Variants in STK3 observed in about 807,000 individuals in gnomAD.
STK3 encodes the protein serine/threonine kinase 3.
A neutral mutation model predicts 58.0 loss-of-function variants in STK3; 41 were observed. The observed-to-expected ratio is 0.71, with a 90% confidence interval of 0.55 to 0.92. The LOEUF is 0.92. STK3 is among the 40% of genes least tolerant of loss of function. STK3 has a pLI of 0.00. For synonymous variants in STK3, 170 were observed against 191.0 expected, an observed-to-expected ratio of 0.89 and a Z score of 0.91; for missense variants, 479 against 602.7, an observed-to-expected ratio of 0.79 and a Z score of 2.15.
At chr8:98,933,907 C>A (rs1840098306) in intron 1 of STK3, among the ~76,000 whole-genome samples, 1 of 152,210 alleles carries the variant, frequency 6.6e-6, no homozygotes, top group African/African-American at 2.4e-5. Context: ...ACCCACCAGG[C>A]AGAGAGGTCA....
intron 10 of STK3, among the ~76,000 whole-genome samples, chr8:98,463,770 G>A (rs541260762): frequency 7.9e-5 from 12 of 152,124 alleles, no homozygotes; most frequent in African/African-American, 1.9e-4. Flanking sequence ...AAAAATAGTC[G>A]TAATTACATG....
At chr8:98,496,083 C>A (rs1401516778) in intron 10 of STK3, among the ~76,000 whole-genome samples, 4 of 152,086 alleles carry the variant, frequency 2.6e-5, no homozygotes, top group Non-Finnish European at 4.4e-5. Context: ...ATCTGACCCC[C>A]AACTAGATTG....
chr8:98,740,694 CA>C (rs2131307539), intron 4 of STK3, among the ~76,000 whole-genome samples: 1 of 152,272 alleles, frequency 6.6e-6, no homozygotes, highest in African/African-American at 2.4e-5. Flanking sequence ...AACTAATGAG[CA>C]AAATAACCAG....
chr8:98,711,505 G>A (rs1393271577), intron 4 of STK3, among the ~76,000 whole-genome samples: 6 of 152,244 alleles, frequency 3.9e-5, no homozygotes, highest in South Asian at 2.1e-4. Context: ...CTCAGTAGCC[G>A]ATTCAATCAA....
chr8:98,718,203 C>A (rs1019862058), intron 4 of STK3, among the ~76,000 whole-genome samples: 1 of 151,916 alleles, frequency 6.6e-6, no homozygotes, highest in African/African-American at 2.4e-5. Flanking sequence ...GCTAAGATGG[C>A]AAATTTTGTT....
chr8:98,592,287 A>C (rs990350881), intron 7 of STK3, among the ~76,000 whole-genome samples: 2 of 152,110 alleles, frequency 1.3e-5, no homozygotes, highest in African/African-American at 2.4e-5. Context: ...AGCAGATCTT[A>C]CTGTGTTCTA....
intron 6 of STK3, among the ~76,000 whole-genome samples, chr8:98,614,907 C>T (rs1039646786): frequency 6.6e-6 from 1 of 152,200 alleles, no homozygotes; most frequent in Non-Finnish European, 1.5e-5. Context: ...ATTGCCCGGG[C>T]TTGCTTAGGT....
intron 2 of STK3, among the ~76,000 whole-genome samples, chr8:98,773,181 C>T (rs2131478443): frequency 6.6e-6 from 1 of 152,106 alleles, no homozygotes; most frequent in South Asian, 2.1e-4. Flanking sequence ...TGTCCTTTCT[C>T]TTTTTTCTAT....
intron 9 of STK3, among the ~76,000 whole-genome samples, chr8:98,527,676 A>G (rs1341136169): frequency 3.3e-5 from 5 of 152,060 alleles, no homozygotes; most frequent in African/African-American, 9.7e-5. Context: ...AAAAAAAATC[A>G]TAAGAACTTA....
chr8:98,849,824 G>A (rs780153365), intron 3 of STK3, among the ~76,000 whole-genome samples: 1 of 152,098 alleles, frequency 6.6e-6, no homozygotes, highest in Non-Finnish European at 1.5e-5. Flanking sequence ...CAGGTCCAAA[G>A]GAATAGGGTG....
chr8:98,934,374 C>A (rs1447244), intron 1 of STK3, among the ~76,000 whole-genome samples: 11,289 of 152,176 alleles, frequency 0.074, 637 homozygotes, highest in African/African-American at 0.16. Flanking sequence ...AGCCAGGTTC[C>A]TGAAACCTCT....
At chr8:98,789,574 T>G (rs1425563094) in intron 1 of STK3, among the ~76,000 whole-genome samples, 1 of 152,002 alleles carries the variant, frequency 6.6e-6, no homozygotes, top group East Asian at 1.9e-4. Flanking sequence ...AAGGGAGATA[T>G]TACAACTGAT....
intron 4 of STK3, 101 bp from the exon 5 acceptor site, chr8:98,707,412 G>T (rs1826042819): frequency 2.2e-6 from 2 of 921,528 alleles, no homozygotes; most frequent in East Asian, 2.8e-5. Flanking sequence ...GTGTGTGTGT[G>T]TGTTTTTTTT....
rs765569770 is a variant in STK3 at position 98,526,789 on chromosome 8, C to T, written c.1270G>A (p.Val424Ile). The T allele has an allele frequency of 5.7e-6, 9 of 1,585,218 alleles. No individual in the cohort carries two copies. The highest frequency in any genetic ancestry group is 1.7e-4 in the Middle Eastern group (1 of 5,950). ...MHEPFPMSKN[V>I]FPDNWKVPQD... ...GGAACTTTCCAGTTATCAGGAAAAA[C>T]GTTTTTGGACATAGGGAAGGGTTCA... The change falls in exon 10 of 11, where the codon GTT becomes ATT. Residue 424 changes from valine to isoleucine, a missense_variant. This residue lies in a region of STK3 where 309 missense variants were observed against 355.7 expected (regional missense o/e 0.87). Coordinates refer to ENST00000419617, the MANE Select transcript of STK3 (RefSeq NM_006281.4).
In STK3 at chr8:98,789,297, C is replaced by T. The variant is rs190520927; in HGVS notation, c.27-14478G>A. Among the ~76,000 whole-genome samples the T allele has an allele frequency of 7.4e-3, 1,123 of 152,210 alleles. 9 individuals carry two copies. Among genetic ancestry groups the T allele is most frequent in the Middle Eastern group, 0.017 (5 of 294 alleles). ...GAAAGTTTATAACCCTAAATGCCTA[C>T]ATCAAAAAGTCTGAAAGAGCACAGA... On this transcript the variant is annotated intron_variant, in intron 1 of 10. Transcript: ENST00000419617.
chr8:98,389,627 A>C (rs1331035241), upstream of STK3, among the ~76,000 whole-genome samples: 1 of 151,888 alleles, frequency 6.6e-6, no homozygotes, highest in Non-Finnish European at 1.5e-5. Flanking sequence ...CTATGACTGC[A>C]TGCAGACAAA....
At chr8:98,772,299 G>A (rs935127987) in intron 2 of STK3, among the ~76,000 whole-genome samples, 26 of 152,158 alleles carry the variant, frequency 1.7e-4, no homozygotes, top group African/African-American at 5.6e-4. Flanking sequence ...AATCCCTAAT[G>A]TTGGAGATGG....
chr8:98,934,710 G>A (rs1442570689), intron 1 of STK3, among the ~76,000 whole-genome samples: 5 of 152,184 alleles, frequency 3.3e-5, no homozygotes. Flanking sequence ...GAGGTCAGGA[G>A]TTCGAGACCA....
chr8:98,837,798 G>A (rs1263282444), intron 3 of STK3, among the ~76,000 whole-genome samples: 1 of 152,126 alleles, frequency 6.6e-6, no homozygotes, highest in African/African-American at 2.4e-5. Flanking sequence ...TGGGCATGGT[G>A]GCACACACCT....
Sources: gnomAD v4.1 joint callset for allele counts (sites outside exome capture counted in the v4.1 genomes callset) on GRCh38, gnomAD v4.1.1 for gene constraint, gnomAD v4.1.1 regional missense constraint, MANE v1.5 for transcripts, NCBI Gene and HGNC (gene_info 2026-07-23, HGNC 2026-07-21) for gene names.